Variants in SCHIP1 observed in about 807,000 individuals in gnomAD.
SCHIP1 encodes schwannomin-interacting protein 1.
Under a neutral mutation model 29.7 loss-of-function variants are expected in SCHIP1, and 8 were observed. The observed-to-expected ratio is 0.27, with a 90% CI of 0.16 to 0.49. The LOEUF (loss-of-function observed/expected upper bound fraction) is 0.49, where lower values mean the gene tolerates loss of function less well. SCHIP1 is among the 20% of genes least tolerant of loss of function. The pLI, the probability that SCHIP1 is intolerant of heterozygous loss-of-function variation, is 0.99. For missense variants in SCHIP1, 193 were observed against 294.6 expected, an observed-to-expected ratio of 0.66 and a Z score of 2.52; for synonymous variants, 76 against 94.9, an observed-to-expected ratio of 0.80 and a Z score of 1.16.
At chr3:159,367,099 C>G in the SCHIP1 span, among the ~76,000 whole-genome samples, 1 of 152,132 alleles carries the variant, frequency 6.6e-6, no homozygotes, top group African/African-American at 2.4e-5. Context: ...TTTGAAAACT[C>G]CTCTTTGCCA....
At chr3:159,548,076 C>T in the SCHIP1 span, among the ~76,000 whole-genome samples, 2 of 151,806 alleles carry the variant, frequency 1.3e-5, no homozygotes, top group East Asian at 1.9e-4. Context: ...CTGTAATTTT[C>T]TAATATTTTG....
the SCHIP1 span, among the ~76,000 whole-genome samples, chr3:159,704,813 CTT>C: frequency 4.6e-5 from 7 of 151,044 alleles, no homozygotes; most frequent in African/African-American, 1.5e-4. Context: ...ACAATATTTT[CTT>C]TCTTTCTTTC....
the SCHIP1 span, among the ~76,000 whole-genome samples, chr3:159,445,192 C>T: frequency 6.6e-6 from 1 of 152,298 alleles, no homozygotes; most frequent in South Asian, 2.1e-4. Flanking sequence ...AAAAAACAAA[C>T]AACCCCAACA....
chr3:159,696,103 A>G, the SCHIP1 span, among the ~76,000 whole-genome samples: 2 of 152,146 alleles, frequency 1.3e-5, no homozygotes, highest in African/African-American at 2.4e-5. Flanking sequence ...TTTCCAAAGC[A>G]TATGTCACTT....
the SCHIP1 span, among the ~76,000 whole-genome samples, chr3:159,508,042 G>A: frequency 6.6e-6 from 1 of 152,196 alleles, no homozygotes. Flanking sequence ...AGAAGGAATG[G>A]TACCAGCTCC....
chr3:159,811,982 T>TTG, the SCHIP1 span, among the ~76,000 whole-genome samples: 3 of 150,094 alleles, frequency 2.0e-5, 1 homozygote, highest in African/African-American at 7.3e-5. Flanking sequence ...TTGTTTTTGT[T>TTG]TTTTTTTTTG....
chr3:159,320,618 C>T, the SCHIP1 span, among the ~76,000 whole-genome samples: 1 of 149,752 alleles, frequency 6.7e-6, no homozygotes. Flanking sequence ...TTTTTTTTTT[C>T]CCCCTGTTAC....
chr3:159,650,683 G>A, the SCHIP1 span, among the ~76,000 whole-genome samples: 1 of 152,140 alleles, frequency 6.6e-6, no homozygotes, highest in African/African-American at 2.4e-5. Context: ...CAGCAAAAAA[G>A]TGGAACCTGT....
the SCHIP1 span, among the ~76,000 whole-genome samples, chr3:159,477,700 G>A: frequency 6.6e-6 from 1 of 151,992 alleles, no homozygotes; most frequent in Non-Finnish European, 1.5e-5. Flanking sequence ...TGTATGGTTT[G>A]CAAACAACTT....
the SCHIP1 span, among the ~76,000 whole-genome samples, chr3:159,384,823 C>T: frequency 7.2e-5 from 11 of 152,098 alleles, no homozygotes; most frequent in Admixed American, 1.3e-4. Flanking sequence ...CAACTTCTTC[C>T]TGGTTTAGTC....
At chr3:159,411,552 G>A in the SCHIP1 span, among the ~76,000 whole-genome samples, 1 of 152,078 alleles carries the variant, frequency 6.6e-6, no homozygotes, top group Non-Finnish European at 1.5e-5. Context: ...TACACCGAAT[G>A]ATTAAATAAT....
chr3:159,573,997 G>C, the SCHIP1 span, among the ~76,000 whole-genome samples: 1 of 152,150 alleles, frequency 6.6e-6, no homozygotes, highest in East Asian at 1.9e-4. Context: ...GTTTATTCTA[G>C]TTAGCCATTC....
chr3:159,582,475 G>A, the SCHIP1 span, among the ~76,000 whole-genome samples: 8 of 152,096 alleles, frequency 5.3e-5, no homozygotes, highest in Admixed American at 3.3e-4. Flanking sequence ...CTGAAGGCTC[G>A]GATGATTGTT....
At chr3:159,840,851 G>C (rs1744152339) in intron 1 of SCHIP1, among the ~76,000 whole-genome samples, 1 of 152,188 alleles carries the variant, frequency 6.6e-6, no homozygotes, top group Admixed American at 6.5e-5. Flanking sequence ...ATGCTAATTT[G>C]CTACTGGAGT....
chr3:159,608,777 C>A, the SCHIP1 span, among the ~76,000 whole-genome samples: 1 of 152,120 alleles, frequency 6.6e-6, no homozygotes, highest in Non-Finnish European at 1.5e-5. Context: ...TTAAAAAGAA[C>A]AGAATAAGTA....
chr3:159,859,056 T>C (rs564000503), intron 1 of SCHIP1, among the ~76,000 whole-genome samples: 2 of 152,328 alleles, frequency 1.3e-5, no homozygotes, highest in South Asian at 4.1e-4. Flanking sequence ...GTGATGCAAT[T>C]GAAAGATACT....
chr3:159,600,707 A>C, the SCHIP1 span, among the ~76,000 whole-genome samples: 1 of 152,238 alleles, frequency 6.6e-6, no homozygotes, highest in African/African-American at 2.4e-5. Context: ...CTGAAGAATT[A>C]TTGTTTCTTT....
the SCHIP1 span, among the ~76,000 whole-genome samples, chr3:159,626,089 T>G: frequency 1.1e-3 from 109 of 98,110 alleles, 2 homozygotes; most frequent in Middle Eastern, 4.9e-3. Context: ...GTGCAGCTTA[T>G]ATAGATAGAT....
chr3:159,349,037 G>A, the SCHIP1 span, among the ~76,000 whole-genome samples: 1 of 152,194 alleles, frequency 6.6e-6, no homozygotes, highest in African/African-American at 2.4e-5. Context: ...GCTATGTGCT[G>A]AGTTAATGAC....
Sources: allele counts gnomAD v4.1 joint callset (sites outside exome capture counted in the v4.1 genomes callset), GRCh38; gene constraint gnomAD v4.1.1; transcripts MANE v1.5; gene names NCBI Gene and HGNC (gene_info 2026-07-23, HGNC 2026-07-21).